The following IGFALS variants were observed in gnomAD, a reference collection of about 807,000 sequenced individuals.
IGFALS encodes the protein insulin like growth factor binding protein acid labile subunit.
IGFALS carries 2 observed loss-of-function variants against 2.6 expected under a neutral mutation model. The ratio of observed to expected loss-of-function variants is 0.77; its 90% CI spans 0.32 to 2.44. IGFALS has a LOEUF of 2.44. IGFALS is among the 30% of genes most tolerant of loss of function. The pLI, the probability that IGFALS is intolerant of heterozygous loss-of-function variation, is 0.11. For missense variants in IGFALS, 996 were observed against 848.7 expected, an observed-to-expected ratio of 1.17 and a Z score of -2.16; for synonymous variants, 519 against 431.9, an observed-to-expected ratio of 1.20 and a Z score of -2.50.
rs1347897069 is a variant in IGFALS, at chr16:1,790,485, C to G, written c.*115G>C. The G allele has an allele frequency of 1.1e-6, 1 of 921,440 alleles. No homozygotes were observed. The highest frequency in any genetic ancestry group is 2.6e-5 in the East Asian group (1 of 38,104). 57.1% of individuals were successfully genotyped at this position (921,440 alleles called of 1,614,324 possible). A position where few individuals can be genotyped will look rare whatever the true frequency, so the allele number is the denominator to read the frequency against. On this transcript the variant is annotated 3_prime_UTR_variant, in exon 2 of 2. Coordinates refer to ENST00000215539, the MANE Select transcript of IGFALS (RefSeq NM_004970.3). Reference sequence around the variant, plus strand: ...GCCATGCCTTCCACCCCATCAGGCCCTTGCGTCTTCCAGCAAGTGCACTGG... The same window carrying G: ...GCCATGCCTTCCACCCCATCAGGCCGTTGCGTCTTCCAGCAAGTGCACTGG...
In IGFALS at chr16:1,791,919, C is replaced by T. The variant is rs748038965; in HGVS notation, c.499G>A (p.Glu167Lys). 2.4e-5 allele frequency: 38 copies of T among 1,580,246 alleles called. No homozygotes were observed. Among genetic ancestry groups the T allele is most frequent in the Non-Finnish European group, 3.1e-5 (36 of 1,164,912 alleles). ...RLSRLEDGLF[E>K]GLGSLWDLNL... ...AGGTCCCAGAGGCTGCCGAGGCCCT[C>T]GAAGAGCCCGTCCTCCAGCCTGCTC... Residue 167 changes from glutamate (E) to lysine (K), a missense_variant, in exon 2 of 2, where the codon GAG becomes AAG. Physicochemically the swap from Glu to Lys is moderately conservative, Grantham distance 56 (BLOSUM62 1). Coordinates refer to ENST00000215539, the MANE Select transcript of IGFALS (RefSeq NM_004970.3).
At chr16:1,792,520 G>GGGCC in intron 1 of IGFALS, 119 bp from the exon 2 acceptor site, 1 of 1,431,766 alleles carries the variant, frequency 7.0e-7, no homozygotes, top group Non-Finnish European at 9.1e-7. Context: ...CACCCGCTGA[G>GGGCC]ATGCGAAGAA....
rs767019267 is a variant in IGFALS, at chr16:1,792,384, G to A, written c.34C>T (p.Leu12=). ...ALRKGGLALA[L]LLLSWVALGP... is the part of the protein sequence containing the mutation. ...AGTGCCACCCAGGACAGCAGCAGCA[G>A]CGCCAGGGCCAGGCCTCCTGCGGGG... is the stretch of plus-strand genomic sequence containing the variant. Residue 12 remains leucine, a synonymous_variant, in exon 2 of 2, where the codon CTG becomes TTG. Coordinates refer to ENST00000215539, the MANE Select transcript of IGFALS (RefSeq NM_004970.3). The A allele has an allele frequency of 2.2e-5, 35 of 1,576,494 alleles. No homozygotes were observed. Among genetic ancestry groups the A allele is most frequent in the Non-Finnish European group, 3.0e-5 (35 of 1,165,214 alleles).
At chr16:1,792,441 C>A (rs1420149251) in intron 1 of IGFALS, 40 bp from the exon 2 acceptor site, 39 of 1,507,280 alleles carry the variant, frequency 2.6e-5, no homozygotes, top group Non-Finnish European at 3.4e-5. Context: ...CCGAGGAGGG[C>A]TCTGCCCGAG....
Position 1,790,987 on chromosome 16 carries a change from G to T in IGFALS, c.1431C>A (p.Ala477=). The T allele has an allele frequency of 6.3e-7, 1 of 1,597,126 alleles. No homozygotes were observed. The highest frequency in any genetic ancestry group is 1.7e-5 in the Admixed American group (1 of 59,880). Residue 477 remains alanine (A), a synonymous_variant, in exon 2 of 2, where the codon GCC becomes GCA. Transcript: ENST00000215539. ...RNRLAELPAD[A]LGPLQRAFWL... is the part of the protein sequence containing the mutation. ...AGAAGGCCCGCTGCAGGGGGCCCAG[G>T]GCGTCCGCCGGCAGCTCTGCCAGGC... is the stretch of plus-strand genomic sequence containing the variant.
Position 1,792,292 on chromosome 16 carries a change from C to G in IGFALS, c.126G>C (p.Pro42=), listed in dbSNP as rs754088983. Residue 42 remains proline (P), a synonymous_variant, in exon 2 of 2, where the codon CCG becomes CCC. Coordinates refer to ENST00000215539, the MANE Select transcript of IGFALS (RefSeq NM_004970.3). The part of the protein sequence containing the change: ...TPGEAEGPAC[P]AACVCSYDDD... The stretch of plus-strand genomic sequence containing the variant: ...CATCGTAGCTGCAGACACAGGCGGC[C>G]GGGCACGCTGGGCCCTCGGCTTCCC... 6.3e-7 allele frequency: 1 copy of G among 1,599,268 alleles called. No individual in the cohort carries two copies. The highest frequency in any genetic ancestry group is 8.5e-7 in the Non-Finnish European group (1 of 1,179,440).
At chr16:1,793,234 G>A (rs746249825) in intron 1 of IGFALS, among the ~76,000 whole-genome samples, 5 of 152,194 alleles carry the variant, frequency 3.3e-5, no homozygotes, top group Middle Eastern at 3.2e-3. Context: ...CTCAGGCTTG[G>A]GGGTGGCCGA....
At chr16:1,793,160 G>GC (rs376151018) in intron 1 of IGFALS, among the ~76,000 whole-genome samples, 17 of 152,096 alleles carry the variant, frequency 1.1e-4, no homozygotes, top group African/African-American at 2.2e-4. Context: ...GCGAGGTGGG[G>GC]CCCCCCCGAC....
In IGFALS at chr16:1,792,411, G is replaced by C. The variant is rs1349329862; in HGVS notation, c.17-10C>G. 6.4e-7 allele frequency: 1 copy of C among 1,555,120 alleles called. No homozygotes were observed. The highest frequency in any genetic ancestry group is 8.7e-7 in the Non-Finnish European group (1 of 1,155,868). On this transcript the variant is annotated splice_polypyrimidine_tract_variant and intron_variant, in intron 1 of 1. Coordinates refer to ENST00000215539, the MANE Select transcript of IGFALS (RefSeq NM_004970.3). ...GCCAGGGCCAGGCCTCCTGCGGGGG[G>C]AGAGGCTTGGGGAGGCGGCCCGAGG...
At position 1,792,209 on chromosome 16, in the gene IGFALS, T is replaced by C; in HGVS notation, c.209A>G (p.Asp70Gly). 1 of 1,609,032 alleles carries C rather than the reference T, an allele frequency of 6.2e-7. No individual in the cohort carries two copies. Among genetic ancestry groups the C allele is most frequent in the Non-Finnish European group, 8.5e-7 (1 of 1,179,668 alleles). ...CSSRNLTRLP[D>G]GVPGGTQALW... ...GGCTTGGGTGCCGCCCGGGACTCCA[T>C]CAGGCAGGCGCGTGAGGTTCCTGGA... Residue 70 changes from aspartate (D) to glycine (G), a missense_variant, in exon 2 of 2, where the codon GAT becomes GGT. Asp to Gly is a moderately conservative substitution (Grantham distance 94). Transcript: ENST00000215539.
In IGFALS at chr16:1,793,692, G is replaced by C. The variant is rs956716107; in HGVS notation, c.-40C>G. The C allele has an allele frequency of 4.5e-6, 7 of 1,573,010 alleles. No homozygotes were observed. Among genetic ancestry groups the C allele is most frequent in the Non-Finnish European group, 5.2e-6 (6 of 1,158,242 alleles). On this transcript the variant is annotated 5_prime_UTR_variant, in exon 1 of 2. Transcript: ENST00000215539. ...AGGCTGCAGGCAGGCAGCGAGGGAGGGTACGTCTGCTGTGCCGGCCACCCC... is the reference window on the plus strand; with the variant it reads ...AGGCTGCAGGCAGGCAGCGAGGGAGCGTACGTCTGCTGTGCCGGCCACCCC...
rs1427307699 is a variant in IGFALS, at chr16:1,791,389, G to A, written c.1029C>T (p.Leu343=). 4 of 1,610,318 alleles carry A rather than the reference G, an allele frequency of 2.5e-6. No individual in the cohort carries two copies. Among genetic ancestry groups the A allele is most frequent in the South Asian group, 1.1e-5 (1 of 91,080 alleles). Residue 343 remains leucine, a synonymous_variant, in exon 2 of 2, where the codon CTC becomes CTT. Transcript: ENST00000215539. The stretch of plus-strand genomic sequence containing the variant: ...CCTGGAGCTGGTTGTGGTCTAGCGT[G>A]AGCACCTCAAGCTGCCCCAGGCCCT... The part of the protein sequence containing the change: ...SFEGLGQLEV[L]TLDHNQLQEV...
At position 1,791,617 on chromosome 16, in the gene IGFALS, C is replaced by T. The variant is rs35632685; in HGVS notation, c.801G>A (p.Ala267=). ...TGTGGGACAGGTCCAGCCATCGCAG[C>T]GCCTTCAGGCCCAGGAAGGCGCCCG... is the stretch of plus-strand genomic sequence containing the variant. The part of the protein sequence containing the change: ...VAPGAFLGLK[A]LRWLDLSHNR... Residue 267 remains alanine, a synonymous_variant, in exon 2 of 2, where the codon GCG becomes GCA. Transcript: ENST00000215539. The T allele has an allele frequency of 1.9e-3, 2,998 of 1,569,020 alleles. 56 individuals carry two copies. In the East Asian group the frequency reaches 0.036, roughly 19 times the overall value.
At position 1,791,100 on chromosome 16, in the gene IGFALS, C is replaced by A; in HGVS notation, c.1318G>T (p.Asp440Tyr). 6.2e-7 allele frequency: 1 copy of A among 1,600,542 alleles called. No individual in the cohort carries two copies. The highest frequency in any genetic ancestry group is 1.1e-5 in the South Asian group (1 of 91,002). The part of the protein sequence containing the change: ...LWGLAELLEL[D>Y]LTSNQLTHLP... ...TGCGTGAGCTGGTTGGAGGTCAGGT[C>A]GAGCTCCAGCAGCTCCGCCAGCCCC... Residue 440 changes from aspartate to tyrosine, a missense_variant, in exon 2 of 2, where the codon GAC (aspartate) becomes TAC (tyrosine). Transcript: ENST00000215539.
At position 1,792,037 on chromosome 16, in the gene IGFALS, C is replaced by A. The variant is rs748147670; in HGVS notation, c.381G>T (p.Leu127=). The A allele has an allele frequency of 1.2e-6, 2 of 1,610,426 alleles. No homozygotes were observed. The highest frequency in any genetic ancestry group is 2.7e-5 in the African/African-American group (2 of 74,930). The change falls in exon 2 of 2, where the codon CTG becomes CTT. Residue 127 remains leucine, a synonymous_variant. Coordinates refer to ENST00000215539, the MANE Select transcript of IGFALS (RefSeq NM_004970.3). ...ALLGLENLCH[L]HLERNQLRSL... is the part of the protein sequence containing the mutation. ...TGCGCAGCTGGTTCCGCTCCAGGTG[C>A]AGGTGGCACAGGTTCTCTAGGCCCA...
Position 1,792,001 on chromosome 16 carries a change from G to C in IGFALS, c.417C>G (p.Leu139=). 1 of 1,608,740 alleles carries C rather than the reference G, an allele frequency of 6.2e-7. No homozygotes were observed. The highest frequency in any genetic ancestry group is 8.5e-7 in the Non-Finnish European group (1 of 1,178,946). The change falls in exon 2 of 2, where the codon CTC becomes CTG. Residue 139 remains leucine (L), a synonymous_variant. Coordinates refer to ENST00000215539, the MANE Select transcript of IGFALS (RefSeq NM_004970.3). ...GCGCGGGCGTGTGTGCAAACGTGCC[G>C]AGTGCCAGGCTGCGCAGCTGGTTCC... ...LERNQLRSLA[L]GTFAHTPALA...
At position 1,792,077 on chromosome 16, in the gene IGFALS, T is replaced by C. The variant is rs752767525; in HGVS notation, c.341A>G (p.Glu114Gly). 1.2e-6 allele frequency: 2 copies of C among 1,609,942 alleles called. No homozygotes were observed. The highest frequency in any genetic ancestry group is 1.7e-6 in the Non-Finnish European group (2 of 1,179,132). The change falls in exon 2 of 2, where the codon GAG (glutamate) becomes GGG (glycine). Residue 114 changes from glutamate to glycine, a missense_variant. Coordinates refer to ENST00000215539, the MANE Select transcript of IGFALS (RefSeq NM_004970.3). Reference protein sequence around the residue: ...NLQGGQLGSLEPQALLGLENL... With the variant: ...NLQGGQLGSLGPQALLGLENL... ...CTCTAGGCCCAGCAGCGCCTGTGGC[T>C]CCAGGCTGCCCAGCTGGCCGCCCTG...
In IGFALS at chr16:1,792,413, G is replaced by A; in HGVS notation, c.17-12C>T. 3 of 1,536,078 alleles carry A rather than the reference G, an allele frequency of 2.0e-6. No individual in the cohort carries two copies. The highest frequency in any genetic ancestry group is 1.2e-5 in the South Asian group (1 of 81,304). On this transcript the variant is annotated splice_polypyrimidine_tract_variant and intron_variant, in intron 1 of 1. Coordinates refer to ENST00000215539, the MANE Select transcript of IGFALS (RefSeq NM_004970.3). ...CAGGGCCAGGCCTCCTGCGGGGGGA[G>A]AGGCTTGGGGAGGCGGCCCGAGGAG...
chr16:1,791,626 GC>G lies in IGFALS; in HGVS notation c.791del (p.Gly264AlafsTer2). ...GGTCCAGCCATCGCAGCGCCTTCAG[GC>G]CCAGGAAGGCGCCCGGGGCCACGGC... Reference protein sequence around the residue: ...IAAVAPGAFLGLKALRWLDLS... With the variant: ...IAAVAPGAFLXLKALRWLDLS... On this transcript the variant is annotated frameshift_variant, in exon 2 of 2. Coordinates refer to ENST00000215539, the MANE Select transcript of IGFALS (RefSeq NM_004970.3). LOFTEE classifies it low-confidence loss of function (END_TRUNC). The G allele has an allele frequency of 6.4e-7, 1 of 1,572,746 alleles. No homozygotes were observed. The highest frequency in any genetic ancestry group is 8.6e-7 in the Non-Finnish European group (1 of 1,161,422).
Sources: allele counts gnomAD v4.1 joint callset (sites outside exome capture counted in the v4.1 genomes callset), GRCh38; gene constraint gnomAD v4.1.1; transcripts MANE v1.5; gene names NCBI Gene and HGNC (gene_info 2026-07-23, HGNC 2026-07-21).